The following EML4 variants were observed in gnomAD, a reference collection of about 807,000 sequenced individuals.
EML4 encodes the protein EMAP like 4, also known as echinoderm microtubule-associated protein-like 4.
A neutral mutation model predicts 129.0 loss-of-function variants in EML4; 72 were observed. The observed-to-expected ratio is 0.56, with a 90% CI of 0.46 to 0.68. The LOEUF (loss-of-function observed/expected upper bound fraction) is 0.68. Among genes scored for constraint, EML4 ranks in the 30% least tolerant of loss-of-function variants. The pLI, the probability that EML4 is intolerant of heterozygous loss-of-function variation, is 0.00. For synonymous variants in EML4, 532 were observed against 405.0 expected, an observed-to-expected ratio of 1.31 and a Z score of -3.77; for missense variants, 1,363 against 1,190.6, an observed-to-expected ratio of 1.14 and a Z score of -2.13.
chr2:42,320,833 A>T (rs1231362127), intron 19 of EML4, among the ~76,000 whole-genome samples: 15 of 152,130 alleles, frequency 9.9e-5, no homozygotes, highest in Non-Finnish European at 2.9e-5. Context: ...ATCTTAGCCC[A>T]GGAGACAGTA....
At chr2:42,227,327 C>T (rs1273085489) in intron 1 of EML4, among the ~76,000 whole-genome samples, 1 of 151,956 alleles carries the variant, frequency 6.6e-6, no homozygotes, top group Non-Finnish European at 1.5e-5. Context: ...CACTATGTTG[C>T]TCATGCTGGC....
intron 1 of EML4, among the ~76,000 whole-genome samples, chr2:42,179,742 A>G (rs1416564021): frequency 1.3e-5 from 2 of 152,168 alleles, no homozygotes; most frequent in Non-Finnish European, 2.9e-5. Flanking sequence ...AACTGGGATT[A>G]CAGGCACATG....
At chr2:42,323,691 T>A (rs977239924) in intron 19 of EML4, among the ~76,000 whole-genome samples, 3 of 150,890 alleles carry the variant, frequency 2.0e-5, no homozygotes, top group Non-Finnish European at 4.4e-5. Flanking sequence ...CCCAGCACTT[T>A]GGGAGGCTGG....
chr2:42,215,403 A>AT (rs1004648046), intron 1 of EML4, among the ~76,000 whole-genome samples: 21 of 152,170 alleles, frequency 1.4e-4, no homozygotes, highest in African/African-American at 5.1e-4. Flanking sequence ...ATCCAAGCTG[A>AT]TTTTCATAAA....
intron 1 of EML4, among the ~76,000 whole-genome samples, chr2:42,184,824 A>T (rs527927418): frequency 6.6e-6 from 1 of 152,066 alleles, no homozygotes; most frequent in African/African-American, 2.4e-5. Context: ...TAAGTATTTC[A>T]TGTTTATCTT....
intron 7 of EML4, among the ~76,000 whole-genome samples, chr2:42,282,280 G>A (rs960246580): frequency 6.6e-6 from 1 of 151,376 alleles, no homozygotes; most frequent in Non-Finnish European, 1.5e-5. Context: ...ATACACATTA[G>A]GATTTCAATA....
At chr2:42,327,936 C>T (rs1411474075) in intron 21 of EML4, among the ~76,000 whole-genome samples, 2 of 152,036 alleles carry the variant, frequency 1.3e-5, no homozygotes, top group South Asian at 2.1e-4. Flanking sequence ...GAAAATAATC[C>T]ATTATAGGTG....
At position 42,242,865 on chromosome 2, in the gene EML4, T is replaced by G. The variant is rs540785603; in HGVS notation, c.26-2640T>G. ...CTGAATCCTTGAATTAAACCCATCT[T>G]TGACTGGGTTTAAGTGAGCCTCCCA... On this transcript the variant is annotated intron_variant, in intron 1 of 22. Coordinates refer to ENST00000318522, the MANE Select transcript of EML4 (RefSeq NM_019063.5). Among the ~76,000 whole-genome samples, 15 of 152,176 alleles carry G rather than the reference T, an allele frequency of 9.9e-5. 1 individual carries two copies. The South Asian group carries it at 3.1e-3, about 32-fold the overall frequency.
intron 2 of EML4, among the ~76,000 whole-genome samples, chr2:42,247,650 G>A (rs187478654): frequency 3.2e-4 from 48 of 152,102 alleles, no homozygotes; most frequent in African/African-American, 1.1e-3. Flanking sequence ...GTTATATTAT[G>A]CTTGCTTGCT....
chr2:42,224,510 C>T lies in EML4; in HGVS notation c.26-20995C>T, dbSNP rs532978232. ...CTCTTATGAACAATGCTGCTATAAA[C>T]AGTCATGGGCAAGTTTTTATGTGGT... On this transcript the variant is annotated intron_variant, in intron 1 of 22. Transcript: ENST00000318522. Among the ~76,000 whole-genome samples the T allele has an allele frequency of 2.7e-4, 41 of 152,180 alleles. No individual in the cohort carries two copies. The South Asian group carries it at 8.3e-3, about 31-fold the overall frequency.
chr2:42,193,403 A>C (rs757776187), intron 1 of EML4, among the ~76,000 whole-genome samples: 5 of 148,942 alleles, frequency 3.4e-5, no homozygotes, highest in Non-Finnish European at 7.5e-5. Context: ...GCTGGTTTTT[A>C]GATGAACGAT....
chr2:42,207,382 T>C (rs1672622813), intron 1 of EML4, among the ~76,000 whole-genome samples: 1 of 152,190 alleles, frequency 6.6e-6, no homozygotes, highest in Non-Finnish European at 1.5e-5. Context: ...GATTGGAGTG[T>C]CTTAGGGTTG....
chr2:42,191,063 C>G (rs1240779748), intron 1 of EML4, among the ~76,000 whole-genome samples: 1 of 152,168 alleles, frequency 6.6e-6, no homozygotes, highest in Non-Finnish European at 1.5e-5. Context: ...CCTACCTTTT[C>G]TACTTTATAT....
At chr2:42,204,008 C>G (rs940811427) in intron 1 of EML4, among the ~76,000 whole-genome samples, 47 of 152,210 alleles carry the variant, frequency 3.1e-4, no homozygotes, top group African/African-American at 1.1e-3. Flanking sequence ...GCACCTTGAA[C>G]TCCTGGGTTC....
intron 1 of EML4, among the ~76,000 whole-genome samples, chr2:42,193,179 G>T (rs939920541): frequency 1.3e-5 from 2 of 152,124 alleles, no homozygotes; most frequent in Admixed American, 6.5e-5. Flanking sequence ...ACAGTATTCA[G>T]TGCAGTAGTA....
intron 9 of EML4, among the ~76,000 whole-genome samples, chr2:42,285,698 A>C (rs1430913605): frequency 6.6e-6 from 1 of 151,398 alleles, no homozygotes; most frequent in Admixed American, 6.6e-5. Context: ...TCCCAGGTTC[A>C]AGCAATTCAC....
At chr2:42,305,926 A>T (rs1437527480) in intron 17 of EML4, among the ~76,000 whole-genome samples, 1 of 152,222 alleles carries the variant, frequency 6.6e-6, no homozygotes, top group Non-Finnish European at 1.5e-5. Context: ...TGTTAGATAC[A>T]AATTAACACC....
intron 1 of EML4, among the ~76,000 whole-genome samples, chr2:42,236,650 C>T (rs574126689): frequency 1.3e-5 from 2 of 152,262 alleles, no homozygotes; most frequent in South Asian, 4.1e-4. Context: ...TTTGTTGACT[C>T]CTACTTTAGG....
chr2:42,323,893 A>C (rs1416244185), intron 19 of EML4, among the ~76,000 whole-genome samples: 1 of 151,740 alleles, frequency 6.6e-6, no homozygotes, highest in Non-Finnish European at 1.5e-5. Context: ...GCAGTGAGCC[A>C]AGATTATGCC....
Sources: allele counts gnomAD v4.1 joint callset (sites outside exome capture counted in the v4.1 genomes callset), GRCh38; gene constraint gnomAD v4.1.1; transcripts MANE v1.5; gene names NCBI Gene and HGNC (gene_info 2026-07-23, HGNC 2026-07-21).